Variants in PTPRD observed in about 807,000 individuals in gnomAD.
PTPRD encodes protein tyrosine phosphatase receptor type D.
PTPRD carries 34 observed loss-of-function variants against 214.5 expected under a neutral mutation model. The observed-to-expected ratio is 0.16, with a 90% CI of 0.12 to 0.21. The LOEUF is 0.21. Among genes scored for constraint, PTPRD ranks in the 10% least tolerant of loss-of-function variants. PTPRD has a pLI of 1.00. For missense variants in PTPRD, 2,545 were observed against 2,398.7 expected (o/e 1.06, Z -1.27); for synonymous variants, 1,128 against 845.7 (o/e 1.33, Z -5.79).
At chr9:9,784,490 A>G (rs1453726734) in intron 5 of PTPRD, among the ~76,000 whole-genome samples, 1 of 152,080 alleles carries the variant, frequency 6.6e-6, no homozygotes, top group Non-Finnish European at 1.5e-5. Context: ...AACTTATTTT[A>G]CTACTTTCTT....
At chr9:8,507,267 A>G in intron 22 of PTPRD, 34 bp downstream of exon 22, 1 of 1,599,414 alleles carries the variant, frequency 6.3e-7, no homozygotes, top group South Asian at 1.1e-5. Flanking sequence ...CACGTAATGA[A>G]TAATTCCCAA....
At chr9:9,502,650 C>G (rs1343143854) in intron 8 of PTPRD, among the ~76,000 whole-genome samples, 1 of 151,784 alleles carries the variant, frequency 6.6e-6, no homozygotes, top group Non-Finnish European at 1.5e-5. Flanking sequence ...TTTATAGCAG[C>G]TTTATTCATA....
intron 7 of PTPRD, among the ~76,000 whole-genome samples, chr9:9,712,721 G>C (rs944212440): frequency 6.6e-6 from 1 of 152,086 alleles, no homozygotes. Flanking sequence ...ATTGGTCTCA[G>C]AATAATGCAG....
intron 11 of PTPRD, among the ~76,000 whole-genome samples, chr9:8,785,942 G>A (rs2095934100): frequency 6.6e-6 from 1 of 152,062 alleles, no homozygotes; most frequent in South Asian, 2.1e-4. Context: ...CCTTTATAAT[G>A]TGCACTTTAG....
intron 37 of PTPRD, among the ~76,000 whole-genome samples, chr9:8,380,767 C>T (rs181280373): frequency 3.3e-5 from 5 of 152,200 alleles, no homozygotes; most frequent in East Asian, 1.9e-4. Flanking sequence ...GAAGGGCTCT[C>T]GTTCTAGGCT....
At chr9:10,215,354 TA>T (rs1310019972) in intron 3 of PTPRD, among the ~76,000 whole-genome samples, 4 of 151,752 alleles carry the variant, frequency 2.6e-5, no homozygotes, top group Admixed American at 6.6e-5. Context: ...TTAAACAATA[TA>T]TTAGACATTT....
chr9:9,763,279 T>C (rs1435958393), intron 6 of PTPRD, among the ~76,000 whole-genome samples: 1 of 152,164 alleles, frequency 6.6e-6, no homozygotes, highest in African/African-American at 2.4e-5. Context: ...TTAATAATGA[T>C]GGGTGTGTTT....
intron 3 of PTPRD, among the ~76,000 whole-genome samples, chr9:10,255,370 G>A (rs2498615): frequency 0.61 from 92,148 of 152,014 alleles, 28,356 homozygotes; most frequent in East Asian, 0.68. Context: ...AATACTGAAT[G>A]CCATAAGCAA....
At chr9:10,482,411 A>G (rs2099106619) in intron 2 of PTPRD, among the ~76,000 whole-genome samples, 1 of 151,864 alleles carries the variant, frequency 6.6e-6, no homozygotes, top group Non-Finnish European at 1.5e-5. Flanking sequence ...TAAATCAATC[A>G]ATAATATTAT....
chr9:8,449,682 CT>C, intron 34 of PTPRD, 42 bp downstream of exon 34: 1 of 1,570,736 alleles, frequency 6.4e-7, no homozygotes, highest in Non-Finnish European at 8.7e-7. Context: ...TGTACAACTT[CT>C]GGGAAAGACT....
At chr9:9,510,658 T>C (rs1475620422) in intron 8 of PTPRD, among the ~76,000 whole-genome samples, 1 of 151,188 alleles carries the variant, frequency 6.6e-6, no homozygotes, top group Non-Finnish European at 1.5e-5. Context: ...TTTTTTTTTC[T>C]AGAAAAAAAC....
chr9:10,285,549 C>G (rs1441712473), intron 3 of PTPRD, among the ~76,000 whole-genome samples: 1 of 151,412 alleles, frequency 6.6e-6, no homozygotes, highest in Non-Finnish European at 1.5e-5. Flanking sequence ...ACCCCAGTGC[C>G]ATCACTAACC....
intron 33 of PTPRD, among the ~76,000 whole-genome samples, chr9:8,459,771 T>C (rs1224160976): frequency 2.0e-5 from 3 of 152,040 alleles, no homozygotes. Context: ...TGAGATTATA[T>C]TTTTTAAAAA....
At chr9:10,096,731 C>T (rs1211943641) in intron 3 of PTPRD, among the ~76,000 whole-genome samples, 1 of 151,946 alleles carries the variant, frequency 6.6e-6, no homozygotes, top group Non-Finnish European at 1.5e-5. Flanking sequence ...TGTGCAGAAG[C>T]TCTTTAGTTT....
At chr9:8,746,692 T>A (rs887582626) in intron 11 of PTPRD, among the ~76,000 whole-genome samples, 18 of 152,248 alleles carry the variant, frequency 1.2e-4, no homozygotes, top group African/African-American at 4.1e-4. Flanking sequence ...AATAAAAACA[T>A]CGATCAAACT....
At chr9:10,295,482 C>T (rs1596361115) in intron 3 of PTPRD, among the ~76,000 whole-genome samples, 1 of 152,092 alleles carries the variant, frequency 6.6e-6, no homozygotes, top group East Asian at 1.9e-4. Flanking sequence ...TAAATCAGTC[C>T]CAGCTCCACC....
At chr9:8,325,052 G>T (rs1284679037) in intron 44 of PTPRD, among the ~76,000 whole-genome samples, 1 of 150,504 alleles carries the variant, frequency 6.6e-6, no homozygotes, top group Non-Finnish European at 1.5e-5. Flanking sequence ...TAGGTTGCCT[G>T]TTCACTCTGA....
chr9:8,346,961 A>G (rs1343698121), intron 39 of PTPRD, among the ~76,000 whole-genome samples: 1 of 152,076 alleles, frequency 6.6e-6, no homozygotes, highest in African/African-American at 2.4e-5. Flanking sequence ...CTTAGTTAAG[A>G]TGAAAAAGGC....
chr9:10,506,880 T>C (rs1002484976), intron 2 of PTPRD, among the ~76,000 whole-genome samples: 2 of 152,116 alleles, frequency 1.3e-5, no homozygotes, highest in African/African-American at 2.4e-5. Flanking sequence ...ACAGAGATAA[T>C]GTACCCTTCT....
Sources: gnomAD v4.1 joint callset for allele counts (sites outside exome capture counted in the v4.1 genomes callset) on GRCh38, gnomAD v4.1.1 for gene constraint, MANE v1.5 for transcripts, NCBI Gene and HGNC (gene_info 2026-07-23, HGNC 2026-07-21) for gene names.